ABCG1: variants seen among roughly 807,000 people sequenced by gnomAD.
The protein encoded by ABCG1 is ATP binding cassette subfamily G member 1, also known as ATP-binding cassette sub-family G member 1.
A neutral mutation model predicts 69.2 loss-of-function variants in ABCG1; 29 were observed. The observed-to-expected ratio is 0.42, with a 90% CI of 0.31 to 0.57. The LOEUF (loss-of-function observed/expected upper bound fraction) is 0.57, where lower values mean the gene tolerates loss of function less well. Ranked by LOEUF, ABCG1 falls within the 20% of genes least tolerant of loss-of-function variation. ABCG1 has a pLI of 0.15. For missense variants in ABCG1, 718 were observed against 898.1 expected, an observed-to-expected ratio of 0.80 and a Z score of 2.56; for synonymous variants, 370 against 374.8, an observed-to-expected ratio of 0.99 and a Z score of 0.15.
chr21:42,268,388 T>TGTGTGTGTGTGTGTGTGC (rs57264459), intron 2 of ABCG1, among the ~76,000 whole-genome samples: 2 of 110,106 alleles, frequency 1.8e-5, no homozygotes, highest in African/African-American at 3.0e-5. Context: ...TGTGTGTGTG[T>TGTGTGTGTGTGTGTGTGC]GCGCGCGCGC....
chr21:42,217,885 G>C (rs375013879), upstream of ABCG1, among the ~76,000 whole-genome samples: 10 of 151,770 alleles, frequency 6.6e-5, no homozygotes, highest in East Asian at 1.7e-3. Context: ...TAGAGACGGG[G>C]TTTCATCATG....
chr21:42,295,352 A>T (rs2069186611), intron 14 of ABCG1: 3 of 110,972 alleles, frequency 2.7e-5, no homozygotes, highest in Non-Finnish European at 5.0e-5. Flanking sequence ...AAAAAAAAAA[A>T]AAAAAAAAAA....
intron 1 of ABCG1, among the ~76,000 whole-genome samples, chr21:42,200,234 G>A (rs2067495486): frequency 6.6e-6 from 1 of 152,210 alleles, no homozygotes; most frequent in African/African-American, 2.4e-5. Context: ...GTGAGCATGT[G>A]CGGCCAGCCG....
chr21:42,208,985 G>C (rs950477741), intron 2 of ABCG1, among the ~76,000 whole-genome samples: 2 of 152,190 alleles, frequency 1.3e-5, no homozygotes, highest in Non-Finnish European at 2.9e-5. Context: ...GGTTCTGGGG[G>C]AGGGAGGCAG....
Position 42,284,668 on chromosome 21 carries a change from C to G in ABCG1, c.843C>G (p.Phe281Leu). 1 of 1,613,508 alleles carries G rather than the reference C, an allele frequency of 6.2e-7. No homozygotes were observed. Among genetic ancestry groups the G allele is most frequent in the Non-Finnish European group, 8.5e-7 (1 of 1,180,016 alleles). ...CTIHQPSAKL[F>L]ELFDQLYVLS... is the part of the protein sequence containing the mutation. ...TCCACCAGCCCAGCGCCAAACTCTT[C>G]GAGCTGTTCGACCAGGTACGCGGGC... The change falls in exon 7 of 15, where the codon TTC (phenylalanine) becomes TTG (leucine). Residue 281 changes from phenylalanine to leucine, a missense_variant. This residue lies in a region of ABCG1 where 514 missense variants were observed against 574.3 expected (regional missense o/e 0.90). Transcript: ENST00000398449.
intron 2 of ABCG1, among the ~76,000 whole-genome samples, chr21:42,204,063 T>C (rs2067525680): frequency 6.6e-6 from 1 of 152,228 alleles, no homozygotes; most frequent in African/African-American, 2.4e-5. Context: ...TGACAGAGCA[T>C]AGAAATAAAA....
intron 13 of ABCG1, among the ~76,000 whole-genome samples, chr21:42,292,161 T>C (rs918172134): frequency 9.2e-5 from 14 of 151,992 alleles, no homozygotes; most frequent in African/African-American, 9.7e-5. Flanking sequence ...TCTCTACCTC[T>C]GTGGCTTTAG....
intron 11 of ABCG1, among the ~76,000 whole-genome samples, chr21:42,290,789 T>C (rs181178302): frequency 6.6e-6 from 1 of 152,280 alleles, no homozygotes; most frequent in East Asian, 1.9e-4. Context: ...ATGCAGAGTT[T>C]CAGAAGAGGC....
chr21:42,238,599 T>A (rs1239577244), intron 2 of ABCG1, among the ~76,000 whole-genome samples: 1 of 152,222 alleles, frequency 6.6e-6, no homozygotes, highest in African/African-American at 2.4e-5. Context: ...GAACTATTTA[T>A]ATTTCAGTAT....
Position 42,288,025 on chromosome 21 carries a change from G to C in ABCG1, c.1110G>C (p.Arg370=), listed in dbSNP as rs2068978353. Residue 370 remains arginine, a synonymous_variant, in exon 9 of 15, where the codon CGG becomes CGC. Coordinates refer to ENST00000398449, the MANE Select transcript of ABCG1 (RefSeq NM_016818.3). The surrounding 1 kb of genome is among the most constrained non-coding windows in gnomAD (Gnocchi z 4.8). ...DAEVNPFLWH[R]PSEEDSSSME... Reference sequence around the variant, plus strand: ...AGGTGAACCCTTTTCTTTGGCACCGGCCCTCTGAAGAGGTAAAGCAGACAA... The same window carrying C: ...AGGTGAACCCTTTTCTTTGGCACCGCCCCTCTGAAGAGGTAAAGCAGACAA... 6.2e-7 allele frequency: 1 copy of C among 1,610,084 alleles called. No individual in the cohort carries two copies. The highest frequency in any genetic ancestry group is 8.5e-7 in the Non-Finnish European group (1 of 1,177,814).
At chr21:42,268,727 T>C (rs761907046) in intron 2 of ABCG1, among the ~76,000 whole-genome samples, 2 of 152,218 alleles carry the variant, frequency 1.3e-5, no homozygotes, top group Non-Finnish European at 2.9e-5. Context: ...CCCAGTTGTG[T>C]GCACTCTCTG....
chr21:42,222,199 T>C (rs1200584102), intron 1 of ABCG1, among the ~76,000 whole-genome samples: 2 of 152,216 alleles, frequency 1.3e-5, no homozygotes, highest in Non-Finnish European at 2.9e-5. Context: ...TTAATTTTAA[T>C]GAGCTCAGGA....
intron 2 of ABCG1, among the ~76,000 whole-genome samples, chr21:42,266,068 C>T (rs1325021210): frequency 6.6e-6 from 1 of 152,074 alleles, no homozygotes; most frequent in Non-Finnish European, 1.5e-5. Context: ...TTGGGAGGCC[C>T]ACGTGGGCGG....
chr21:42,224,020 C>A (rs1403505732), intron 1 of ABCG1, among the ~76,000 whole-genome samples: 1 of 152,190 alleles, frequency 6.6e-6, no homozygotes, highest in Admixed American at 6.5e-5. Context: ...TAGGACTTAC[C>A]CTCAACTGCA....
chr21:42,278,745 A>G (rs2068753834), intron 5 of ABCG1, among the ~76,000 whole-genome samples: 1 of 152,200 alleles, frequency 6.6e-6, no homozygotes, highest in African/African-American at 2.4e-5. Context: ...TTCCAGGCAC[A>G]CAGAAGAACA....
upstream of ABCG1, among the ~76,000 whole-genome samples, chr21:42,211,837 C>T (rs578157370): frequency 1.8e-4 from 28 of 151,996 alleles, no homozygotes; most frequent in African/African-American, 6.0e-4. Flanking sequence ...TGCAGTGGGC[C>T]GAGATTGTGC....
chr21:42,267,599 G>C (rs572709051), intron 2 of ABCG1, among the ~76,000 whole-genome samples: 51 of 150,004 alleles, frequency 3.4e-4, no homozygotes, highest in Non-Finnish European at 5.5e-4. Flanking sequence ...GTCTGATCTG[G>C]GTTCTGTCTG....
rs2069214469 is a variant in ABCG1 at position 42,296,530 on chromosome 21, G to A, written c.*138G>A. The A allele has an allele frequency of 1.4e-6, 1 of 738,330 alleles. No individual in the cohort carries two copies. The highest frequency in any genetic ancestry group is 2.3e-6 in the Non-Finnish European group (1 of 441,690). The allele number at this position is 738,330 out of a possible 1,614,324, so 45.7% of individuals were successfully genotyped here. ...CCCCTAGAACCGCGTTGGGTTTGTG[G>A]GTGTCTCGTGCTCAGCCACTCTGCC... On this transcript the variant is annotated 3_prime_UTR_variant, in exon 15 of 15. Transcript: ENST00000398449. This position sits in a 1 kb window ranked among gnomAD's most constrained non-coding sequence, Gnocchi z 5.4.
intron 2 of ABCG1, chr21:42,201,798 C>T (rs560733041): frequency 6.8e-6 from 11 of 1,607,426 alleles, no homozygotes; most frequent in Middle Eastern, 1.7e-4. Context: ...CAACTCGTTC[C>T]GTGGGCCTGA....
Sources: gnomAD v4.1 joint callset for allele counts (sites outside exome capture counted in the v4.1 genomes callset) on GRCh38, gnomAD v4.1.1 for gene constraint, gnomAD v4.1.1 regional missense constraint, Gnocchi (gnomAD v3.1) non-coding constraint, MANE v1.5 for transcripts, NCBI Gene and HGNC (gene_info 2026-07-23, HGNC 2026-07-21) for gene names.